The following WNT3 variants were observed in gnomAD, a reference collection of about 807,000 sequenced individuals.
WNT3 encodes Wnt family member 3.
A neutral mutation model predicts 34.2 loss-of-function variants in WNT3; 7 were observed. The ratio of observed to expected loss-of-function variants is 0.20; its 90% confidence interval spans 0.12 to 0.38. WNT3 has a LOEUF of 0.38. Among genes scored for constraint, WNT3 ranks in the 10% least tolerant of loss-of-function variants. WNT3 has a pLI of 1.00. For synonymous variants in WNT3, 212 were observed against 211.5 expected (o/e 1.00, Z -0.02); for missense variants, 267 against 499.8 (o/e 0.53, Z 4.44).
chr17:46,812,558 AGACTCTGGGGGTCGGG>A (rs2084290937), intron 1 of WNT3, among the ~76,000 whole-genome samples: 1 of 152,144 alleles, frequency 6.6e-6, no homozygotes, highest in Admixed American at 6.6e-5. Flanking sequence ...AGAGTCTGGC[AGACTCTGGGGGTCGGG>A]GAATGATTAG....
intron 1 of WNT3, among the ~76,000 whole-genome samples, chr17:46,774,114 G>T (rs1459673895): frequency 1.3e-5 from 2 of 152,260 alleles, no homozygotes; most frequent in Non-Finnish European, 2.9e-5. Context: ...CCCTCTGGCT[G>T]CATCCAGCTT....
At chr17:46,793,272 TAAAAAAAAAAAAA>T (rs71138551) in intron 1 of WNT3, among the ~76,000 whole-genome samples, 2 of 41,950 alleles carry the variant, frequency 4.8e-5, no homozygotes, top group Admixed American at 4.2e-4. Context: ...AGACCCTGTC[TAAAAAAAAAAAAA>T]AAAAAAAAAA....
At chr17:46,802,522 C>A (rs2084138923) in intron 1 of WNT3, among the ~76,000 whole-genome samples, 1 of 152,216 alleles carries the variant, frequency 6.6e-6, no homozygotes, top group Non-Finnish European at 1.5e-5. Flanking sequence ...CCTGCCTCGG[C>A]CTCCCAAAGT....
intron 1 of WNT3, among the ~76,000 whole-genome samples, chr17:46,811,333 G>T (rs774731390): frequency 5.3e-5 from 8 of 152,128 alleles, no homozygotes; most frequent in Non-Finnish European, 1.2e-4. Context: ...AACAGAATGG[G>T]GGCTCCTGTC....
chr17:46,771,709 C>T (rs1466152318), intron 2 of WNT3, among the ~76,000 whole-genome samples: 1 of 143,818 alleles, frequency 7.0e-6, no homozygotes, highest in Non-Finnish European at 1.5e-5. Flanking sequence ...GGCCGCGCCC[C>T]CGGCCCCGGC....
In WNT3 at chr17:46,766,264, C is replaced by T. The variant is rs1056689899; in HGVS notation, c.*9-1643G>A. ...CTCTACTAAAAATAAAAAAATTAGC[C>T]GATCGTGGTGGCGGGCACCTATAAT... is the stretch of plus-strand genomic sequence containing the variant. On this transcript the variant is annotated intron_variant, in intron 4 of 4. Transcript: ENST00000225512. 1.7e-4 allele frequency among the ~76,000 whole-genome samples: 26 copies of T among 152,064 alleles called. 1 individual carries two copies. Among genetic ancestry groups the T allele is most frequent in the Admixed American group, 1.6e-3 (24 of 15,264 alleles).
At chr17:46,777,676 T>C (rs1380181567) in intron 1 of WNT3, among the ~76,000 whole-genome samples, 1 of 152,222 alleles carries the variant, frequency 6.6e-6, no homozygotes, top group African/African-American at 2.4e-5. Context: ...AAATACATAA[T>C]CTCACTGAAT....
At chr17:46,794,816 T>C (rs1302071339) in intron 1 of WNT3, among the ~76,000 whole-genome samples, 6 of 151,512 alleles carry the variant, frequency 4.0e-5, no homozygotes, top group Non-Finnish European at 8.8e-5. Flanking sequence ...AGAGGTACGA[T>C]TCCAGCTCAC....
intron 2 of WNT3, among the ~76,000 whole-genome samples, chr17:46,771,751 C>T (rs1323355124): frequency 6.7e-5 from 4 of 60,000 alleles, no homozygotes; most frequent in South Asian, 7.9e-4. Context: ...TGAAGCGGCG[C>T]CCCCCGCCCC....
chr17:46,788,864 A>C (rs1226173642), intron 1 of WNT3, among the ~76,000 whole-genome samples: 1 of 152,176 alleles, frequency 6.6e-6, no homozygotes, highest in East Asian at 1.9e-4. Flanking sequence ...AGCTGAGGGC[A>C]GGTGATGGCC....
At position 46,763,193 on chromosome 17, in the gene WNT3, G is replaced by C. The variant is rs2059282775; in HGVS notation, c.*1437C>G. ...AGAAGGGGGAGAAAGAAAAATCTTT[G>C]TTCTGCTCATTCCCCTGCTGCATCT... On this transcript the variant is annotated 3_prime_UTR_variant, in exon 5 of 5. Coordinates refer to ENST00000225512, the MANE Select transcript of WNT3 (RefSeq NM_030753.5). The C allele has an allele frequency of 6.6e-6, 1 of 152,188 alleles. No individual in the cohort carries two copies. Among genetic ancestry groups the C allele is most frequent in the Non-Finnish European group, 1.5e-5 (1 of 68,048 alleles). 9.4% of individuals were successfully genotyped at this position (152,188 alleles called of 1,614,324 possible). A position where few individuals can be genotyped will look rare whatever the true frequency, so the allele number is the denominator to read the frequency against.
intron 4 of WNT3, among the ~76,000 whole-genome samples, chr17:46,767,104 G>C (rs2059320456): frequency 6.6e-6 from 1 of 152,090 alleles, no homozygotes; most frequent in Non-Finnish European, 1.5e-5. Flanking sequence ...GGGCACCCCA[G>C]CCTTAAAACC....
At chr17:46,792,140 C>A (rs563902071) in intron 1 of WNT3, among the ~76,000 whole-genome samples, 1 of 152,202 alleles carries the variant, frequency 6.6e-6, no homozygotes, top group Non-Finnish European at 1.5e-5. Flanking sequence ...GATGTGTGTT[C>A]GACACAAAAG....
intron 1 of WNT3, among the ~76,000 whole-genome samples, chr17:46,800,466 C>T (rs1013472958): frequency 3.9e-5 from 6 of 152,208 alleles, no homozygotes; most frequent in African/African-American, 1.4e-4. Flanking sequence ...GTGTGAGGCT[C>T]GCTAGTGATG....
intron 4 of WNT3, among the ~76,000 whole-genome samples, chr17:46,767,977 C>T (rs963669079): frequency 2.0e-5 from 3 of 152,066 alleles, no homozygotes; most frequent in African/African-American, 7.2e-5. Context: ...TTAGTAGAGA[C>T]GGGTTTCACC....
chr17:46,797,400 G>C (rs931561124), intron 1 of WNT3, among the ~76,000 whole-genome samples: 1 of 152,212 alleles, frequency 6.6e-6, no homozygotes, highest in African/African-American at 2.4e-5. Context: ...GGGCCAAGTG[G>C]AGGAGGGAAA....
At position 46,793,368 on chromosome 17, in the gene WNT3, G is replaced by T. The variant is rs1196980608; in HGVS notation, c.81-19459C>A. On this transcript the variant is annotated intron_variant, in intron 1 of 4. Coordinates refer to ENST00000225512, the MANE Select transcript of WNT3 (RefSeq NM_030753.5). ...GTTCATGGAAGGCTAAGGAGAAAGG[G>T]AAGGAAGTGCTCAGGTCCTGCTCTG... Among the ~76,000 whole-genome samples, 20 of 151,344 alleles carry T rather than the reference G, an allele frequency of 1.3e-4. No homozygotes were observed. The Admixed American group carries it at 1.3e-3, about 10-fold the overall frequency.
At chr17:46,817,375 C>G (rs545287539) in intron 1 of WNT3, among the ~76,000 whole-genome samples, 4 of 152,312 alleles carry the variant, frequency 2.6e-5, no homozygotes, top group African/African-American at 7.2e-5. Context: ...CTCACCTCCC[C>G]CCGCCCAGGC....
At chr17:46,766,810 C>T (rs868859916) in intron 4 of WNT3, among the ~76,000 whole-genome samples, 4 of 152,322 alleles carry the variant, frequency 2.6e-5, no homozygotes, top group Middle Eastern at 3.4e-3. Flanking sequence ...GGGCACTCTA[C>T]CCTTTCACAG....
Sources: gnomAD v4.1 joint callset for allele counts (sites outside exome capture counted in the v4.1 genomes callset) on GRCh38, gnomAD v4.1.1 for gene constraint, MANE v1.5 for transcripts, NCBI Gene and HGNC (gene_info 2026-07-23, HGNC 2026-07-21) for gene names.